The following SPTLC3 variants were observed in gnomAD, a reference collection of about 807,000 sequenced individuals.
The protein encoded by SPTLC3 is serine palmitoyltransferase long chain base subunit 3.
In SPTLC3, 36 loss-of-function variants were observed where a neutral mutation model predicts 59.3. The observed-to-expected ratio is 0.61, with a 90% CI of 0.47 to 0.80. The LOEUF is 0.80. Among genes scored for constraint, SPTLC3 ranks in the 30% least tolerant of loss-of-function variants. The pLI, the probability that SPTLC3 is intolerant of heterozygous loss-of-function variation, is 0.00. For missense variants in SPTLC3, 625 were observed against 685.1 expected (o/e 0.91, Z 0.98); for synonymous variants, 257 against 240.8 (o/e 1.07, Z -0.62).
intron 9 of SPTLC3, among the ~76,000 whole-genome samples, chr20:13,132,317 C>G (rs905098291): frequency 6.6e-6 from 1 of 151,502 alleles, no homozygotes; most frequent in African/African-American, 2.4e-5. Context: ...GCTGGGACTA[C>G]AGGAACCCAC....
At chr20:13,034,898 G>C (rs1204864846) in intron 1 of SPTLC3, among the ~76,000 whole-genome samples, 2 of 152,162 alleles carry the variant, frequency 1.3e-5, no homozygotes, top group Non-Finnish European at 2.9e-5. Flanking sequence ...GACCACCCAG[G>C]AGGTAATTGC....
At chr20:13,142,080 T>A (rs1331321254) in intron 9 of SPTLC3, among the ~76,000 whole-genome samples, 3 of 152,256 alleles carry the variant, frequency 2.0e-5, no homozygotes, top group Non-Finnish European at 4.4e-5. Context: ...CAGAACCTTC[T>A]GCCCCTTCAT....
chr20:13,118,632 C>T (rs894792297), intron 8 of SPTLC3, among the ~76,000 whole-genome samples: 2 of 152,118 alleles, frequency 1.3e-5, no homozygotes, highest in African/African-American at 4.8e-5. Flanking sequence ...CTACACCTGT[C>T]CCAAAGAGCA....
At chr20:13,126,827 T>C in intron 9 of SPTLC3, 110 bp downstream of exon 9, 1 of 1,389,730 alleles carries the variant, frequency 7.2e-7, no homozygotes, top group South Asian at 1.6e-5. Flanking sequence ...ACCCTATTTG[T>C]AAATCAAGCC....
intron 9 of SPTLC3, among the ~76,000 whole-genome samples, chr20:13,141,800 T>G (rs756429985): frequency 1.3e-5 from 2 of 152,234 alleles, no homozygotes; most frequent in Non-Finnish European, 2.9e-5. Flanking sequence ...TATGCTCCAC[T>G]GGCTTTCAAC....
intron 1 of SPTLC3, among the ~76,000 whole-genome samples, chr20:13,035,819 TA>T (rs1178626006): frequency 3.9e-5 from 6 of 152,162 alleles, no homozygotes; most frequent in Non-Finnish European, 8.8e-5. Context: ...ATACATGTCA[TA>T]AAGCTATTGT....
chr20:13,069,622 C>T (rs1450332982), intron 2 of SPTLC3, among the ~76,000 whole-genome samples: 1 of 152,158 alleles, frequency 6.6e-6, no homozygotes, highest in African/African-American at 2.4e-5. Context: ...TCACCCGCTG[C>T]TCACCTCCTG....
intron 10 of SPTLC3, among the ~76,000 whole-genome samples, chr20:13,156,063 A>AAC (rs374657343): frequency 1.9e-4 from 28 of 151,240 alleles, no homozygotes; most frequent in East Asian, 5.8e-4. Context: ...GACACATACA[A>AAC]ACACACACAC....
chr20:13,042,758 C>A (rs1275514138), intron 1 of SPTLC3, among the ~76,000 whole-genome samples: 3 of 152,206 alleles, frequency 2.0e-5, no homozygotes, highest in Non-Finnish European at 2.9e-5. Context: ...GAGAATAGGT[C>A]ATGGCTCAAT....
chr20:13,166,297 A>G lies in SPTLC3; in HGVS notation c.*1430A>G, dbSNP rs578219254. 1.3e-5 allele frequency: 2 copies of G among 152,778 alleles called. No individual in the cohort carries two copies. Among genetic ancestry groups the G allele is most frequent in the South Asian group, 2.1e-4 (1 of 4,830 alleles). 9.5% of individuals were successfully genotyped at this position (152,778 alleles called of 1,614,324 possible). On this transcript the variant is annotated 3_prime_UTR_variant, in exon 12 of 12. Transcript: ENST00000399002. ...ACTCCACCCGCAGCGCCTGCGATGG[A>G]TGGAGCAGTGTGCCCTGATGCTCAA... is the stretch of plus-strand genomic sequence containing the variant.
intron 1 of SPTLC3, among the ~76,000 whole-genome samples, chr20:13,019,919 C>A (rs1397144869): frequency 6.6e-6 from 1 of 152,158 alleles, no homozygotes; most frequent in African/African-American, 2.4e-5. Context: ...CTTTGAGAAG[C>A]TGTTATATAC....
In SPTLC3 at chr20:13,123,038, TA is replaced by T. The variant is rs2037902671; in HGVS notation, c.1153-3551del. On this transcript the variant is annotated intron_variant, in intron 8 of 11. Transcript: ENST00000399002. Reference sequence around the variant, plus strand: ...AAGAATCTTTCAATTGGCCATTGATTAACAATACTCGGCCAGGCGTGGTGGC... The same window carrying T: ...AAGAATCTTTCAATTGGCCATTGATTACAATACTCGGCCAGGCGTGGTGGC... 2.0e-5 allele frequency among the ~76,000 whole-genome samples: 3 copies of T among 152,120 alleles called. No homozygotes were observed. The South Asian group carries it at 6.2e-4, about 32-fold the overall frequency.
chr20:13,160,279 G>A (rs2038868684), intron 11 of SPTLC3, 147 bp downstream of exon 11: 1 of 957,330 alleles, frequency 1.0e-6, no homozygotes, highest in Non-Finnish European at 1.4e-6. Context: ...CAAAAAACAA[G>A]AGCTCGTCAA....
intron 2 of SPTLC3, among the ~76,000 whole-genome samples, chr20:13,056,882 C>T (rs1420293524): frequency 6.6e-6 from 1 of 151,888 alleles, no homozygotes; most frequent in Non-Finnish European, 1.5e-5. Flanking sequence ...GATGGGACTA[C>T]AGGCGTGCAA....
Position 13,167,207 on chromosome 20 carries a change from T to C in SPTLC3, c.*2340T>C, listed in dbSNP as rs145625619. On this transcript the variant is annotated 3_prime_UTR_variant, in exon 12 of 12. Coordinates refer to ENST00000399002, the MANE Select transcript of SPTLC3 (RefSeq NM_018327.4). ...TGTGAATAATGAGATTTTTAATTTT[T>C]TTAAGAAAAAGCTCTCAAATGCTAG... 38 of 152,332 alleles carry C rather than the reference T, an allele frequency of 2.5e-4. No homozygotes were observed. The highest frequency in any genetic ancestry group is 8.9e-4 in the African/African-American group (37 of 41,580). The allele number at this position is 152,332 out of a possible 1,614,324, so 9.4% of individuals were successfully genotyped here.
chr20:13,083,057 G>T (rs1387050497), intron 4 of SPTLC3, among the ~76,000 whole-genome samples: 1 of 152,126 alleles, frequency 6.6e-6, no homozygotes, highest in Non-Finnish European at 1.5e-5. Context: ...GTTAGACCTG[G>T]TAGTACAATG....
chr20:13,151,800 G>A (rs1210928195), intron 9 of SPTLC3, among the ~76,000 whole-genome samples: 1 of 152,128 alleles, frequency 6.6e-6, no homozygotes, highest in Non-Finnish European at 1.5e-5. Context: ...AGTGCCCTTT[G>A]GGTGCTTGTC....
At chr20:13,118,965 T>G (rs1362819555) in intron 8 of SPTLC3, among the ~76,000 whole-genome samples, 1 of 152,210 alleles carries the variant, frequency 6.6e-6, no homozygotes, top group Non-Finnish European at 1.5e-5. Flanking sequence ...CAAAGCATTG[T>G]TTTTCATCCC....
intron 3 of SPTLC3, chr20:13,074,119 T>A (rs1600253594): frequency 1.4e-6 from 1 of 695,682 alleles, no homozygotes; most frequent in South Asian, 1.5e-5. Flanking sequence ...GGGACTAAAG[T>A]GCCCGGCACT....
Sources: allele counts gnomAD v4.1 joint callset (sites outside exome capture counted in the v4.1 genomes callset), GRCh38; gene constraint gnomAD v4.1.1; transcripts MANE v1.5; gene names NCBI Gene and HGNC (gene_info 2026-07-23, HGNC 2026-07-21).